The following ARHGAP25 variants were observed in gnomAD, a reference collection of about 807,000 sequenced individuals.
ARHGAP25 encodes Rho GTPase activating protein 25, also known as rho GTPase-activating protein 25.
In ARHGAP25, 34 loss-of-function variants were observed where a neutral mutation model predicts 71.0. The observed-to-expected ratio is 0.48, with a 90% CI of 0.36 to 0.64. The LOEUF (loss-of-function observed/expected upper bound fraction) is 0.64, where lower values mean the gene tolerates loss of function less well. ARHGAP25 is among the 30% of genes least tolerant of loss of function. ARHGAP25 has a pLI of 0.00. For synonymous variants in ARHGAP25, 282 were observed against 296.5 expected (o/e 0.95, Z 0.50); for missense variants, 706 against 805.1 (o/e 0.88, Z 1.49).
At chr2:68,752,872 A>C (rs4362593) in intron 1 of ARHGAP25, among the ~76,000 whole-genome samples, 120,481 of 151,358 alleles carry the variant, frequency 0.8, 48,172 homozygotes, top group Non-Finnish European at 0.84. Context: ...TATATATACA[A>C]AGAGAGAGAG....
chr2:68,800,562 T>G (rs1388640624), intron 4 of ARHGAP25, among the ~76,000 whole-genome samples: 2 of 152,112 alleles, frequency 1.3e-5, no homozygotes, highest in East Asian at 3.9e-4. Context: ...TGGCATGGGC[T>G]GGCATGGTCT....
At chr2:68,735,329 C>A in intron 1 of ARHGAP25, 69 bp downstream of exon 1, 2 of 1,464,596 alleles carry the variant, frequency 1.4e-6, no homozygotes, top group Non-Finnish European at 1.9e-6. Flanking sequence ...GCATGTTGGT[C>A]TGCAGGGAGC....
intron 1 of ARHGAP25, among the ~76,000 whole-genome samples, chr2:68,758,609 A>T (rs1418157503): frequency 2.0e-5 from 3 of 151,966 alleles, no homozygotes; most frequent in Non-Finnish European, 4.4e-5. Context: ...AAAATATATA[A>T]AGCAAGCATT....
chr2:68,807,841 T>C (rs1680488162), intron 5 of ARHGAP25, among the ~76,000 whole-genome samples: 2 of 152,172 alleles, frequency 1.3e-5, no homozygotes, highest in South Asian at 4.1e-4. Context: ...AGAGCTGAGC[T>C]GTACAAACAC....
intron 1 of ARHGAP25, among the ~76,000 whole-genome samples, chr2:68,755,779 A>C (rs1303317242): frequency 6.6e-6 from 1 of 152,254 alleles, no homozygotes; most frequent in Non-Finnish European, 1.5e-5. Flanking sequence ...TTGAGTTAAA[A>C]AGTTGAAAGA....
At chr2:68,774,718 C>A in intron 1 of ARHGAP25, 1 of 1,005,686 alleles carries the variant, frequency 9.9e-7, no homozygotes, top group Non-Finnish European at 1.2e-6. Flanking sequence ...CAGCTTCTGT[C>A]TTGCGGCCCC....
chr2:68,801,017 G>A (rs201353089), intron 4 of ARHGAP25, among the ~76,000 whole-genome samples: 1 of 152,092 alleles, frequency 6.6e-6, no homozygotes, highest in East Asian at 1.9e-4. Context: ...GTATAACTCA[G>A]GACCAGGTCT....
chr2:68,722,215 TA>T (rs1674778848), intron 2 of ARHGAP25, among the ~76,000 whole-genome samples: 1 of 152,264 alleles, frequency 6.6e-6, no homozygotes, highest in Non-Finnish European at 1.5e-5. Context: ...ATTTTCTTAA[TA>T]AGCCACAAGC....
chr2:68,759,976 A>G (rs1375279349), intron 1 of ARHGAP25, among the ~76,000 whole-genome samples: 1 of 152,040 alleles, frequency 6.6e-6, no homozygotes, highest in Non-Finnish European at 1.5e-5. Flanking sequence ...TGCACAATAA[A>G]AGATTATAAA....
rs117925701 is a variant in ARHGAP25, at chr2:68,740,283, G to A, written c.61+5023G>A. ...TTCTTGAGGGGGCCCCAGACTCGCT[G>A]TCTTTCTCACAGTGATTTTCCTGCA... On this transcript the variant is annotated intron_variant, in intron 1 of 10. Coordinates refer to ENST00000409202, the MANE Select transcript of ARHGAP25 (RefSeq NM_001007231.3). Among the ~76,000 whole-genome samples, 20 of 152,300 alleles carry A rather than the reference G, an allele frequency of 1.3e-4. No individual in the cohort carries two copies. The East Asian group carries it at 3.9e-3, about 29-fold the overall frequency.
chr2:68,731,103 G>A (rs191723938), upstream of ARHGAP25, among the ~76,000 whole-genome samples: 482 of 152,274 alleles, frequency 3.2e-3, 3 homozygotes, highest in African/African-American at 0.011. Context: ...TGGAGTAAAC[G>A]AGTGAATGAA....
At chr2:68,741,205 G>T (rs1045017490) in intron 1 of ARHGAP25, among the ~76,000 whole-genome samples, 1 of 152,130 alleles carries the variant, frequency 6.6e-6, no homozygotes, top group Non-Finnish European at 1.5e-5. Flanking sequence ...TATATCTTCA[G>T]TTTATAGCTT....
chr2:68,712,293 G>T (rs921474759), intron 2 of ARHGAP25, among the ~76,000 whole-genome samples: 1 of 152,128 alleles, frequency 6.6e-6, no homozygotes, highest in Non-Finnish European at 1.5e-5. Flanking sequence ...TCATATGTTC[G>T]TTGGCCACAT....
intron 4 of ARHGAP25, among the ~76,000 whole-genome samples, chr2:68,802,533 G>T (rs1441090014): frequency 6.6e-6 from 1 of 151,852 alleles, no homozygotes; most frequent in Non-Finnish European, 1.5e-5. Context: ...TTGTATTAAT[G>T]GCTTTGTATT....
rs577660029 is a variant in ARHGAP25, at chr2:68,809,233, C to T, written c.674+1753C>T. ...CTCTCTCCACCCCCTTTTATACTCC[C>T]CTACTTCTCATTCCATGGTGTGTTT... is the stretch of plus-strand genomic sequence containing the variant. On this transcript the variant is annotated intron_variant, in intron 5 of 10. Transcript: ENST00000409202. Among the ~76,000 whole-genome samples, 3 of 152,220 alleles carry T rather than the reference C, an allele frequency of 2.0e-5. No homozygotes were observed. The East Asian group carries it at 5.8e-4, about 30-fold the overall frequency.
intron 9 of ARHGAP25, 55 bp downstream of exon 9, chr2:68,819,374 A>G (rs753579313): frequency 1.3e-6 from 2 of 1,583,136 alleles, no homozygotes; most frequent in Non-Finnish European, 8.7e-7. Flanking sequence ...AGTCCAGGCC[A>G]TCCCATGTAA....
rs559001318 is a variant in ARHGAP25 at position 68,819,022 on chromosome 2, G to A, written c.1004-101G>A. 7.3e-5 allele frequency: 80 copies of A among 1,099,474 alleles called. No individual in the cohort carries two copies. The African/African-American group carries it at 1.1e-3, about 15-fold the overall frequency. The allele number at this position is 1,099,474 out of a possible 1,614,324, so 68.1% of individuals were successfully genotyped here. ...AAATGAGGCCCTTCTGGGCCCTATA[G>A]TTTTAGAACCGAGTTTGGAGACATC... On this transcript the variant is annotated intron_variant, in intron 8 of 10. Transcript: ENST00000409202.
At chr2:68,718,683 C>T (rs1004355001) in intron 2 of ARHGAP25, among the ~76,000 whole-genome samples, 2 of 152,072 alleles carry the variant, frequency 1.3e-5, no homozygotes, top group African/African-American at 4.8e-5. Flanking sequence ...TTTCTAATTC[C>T]CTAAGTGGTA....
chr2:68,755,128 T>C (rs538417458), intron 1 of ARHGAP25, among the ~76,000 whole-genome samples: 74 of 152,250 alleles, frequency 4.9e-4, no homozygotes, highest in Non-Finnish European at 1.0e-3. Context: ...AAATATTGAA[T>C]ACATTTCATA....
Sources: allele counts gnomAD v4.1 joint callset (sites outside exome capture counted in the v4.1 genomes callset), GRCh38; gene constraint gnomAD v4.1.1; transcripts MANE v1.5; gene names NCBI Gene and HGNC (gene_info 2026-07-23, HGNC 2026-07-21).